Variants in SLCO1B1 observed in about 807,000 individuals in gnomAD.
SLCO1B1 encodes OATP-2.
A neutral mutation model predicts 70.1 loss-of-function variants in SLCO1B1; 81 were observed. That is an observed-to-expected ratio of 1.16 (90% CI 0.97 to 1.39). The LOEUF (loss-of-function observed/expected upper bound fraction) is 1.39. SLCO1B1 is among the 40% of genes most tolerant of loss of function. The pLI is 0.00. For missense variants in SLCO1B1, 895 were observed against 799.6 expected, an observed-to-expected ratio of 1.12 and a Z score of -1.44; for synonymous variants, 283 against 271.5, an observed-to-expected ratio of 1.04 and a Z score of -0.42.
intron 14 of SLCO1B1, among the ~76,000 whole-genome samples, chr12:21,235,971 G>T (rs12830367): frequency 0.32 from 48,381 of 151,714 alleles, 8,263 homozygotes; most frequent in East Asian, 0.45. Context: ...TCTAGCTGCC[G>T]TTAGGATTTG....
At chr12:21,217,331 A>T (rs771627446) in intron 12 of SLCO1B1, 28 bp downstream of exon 12, 1 of 1,572,058 alleles carries the variant, frequency 6.4e-7, no homozygotes, top group South Asian at 1.1e-5. Flanking sequence ...AAACATTTTC[A>T]TATGCATGAG....
At chr12:21,164,157 T>C (rs1228632646) in intron 2 of SLCO1B1, among the ~76,000 whole-genome samples, 2 of 152,146 alleles carry the variant, frequency 1.3e-5, no homozygotes, top group African/African-American at 4.8e-5. Flanking sequence ...CAATCATTCC[T>C]TAGTAAATTT....
intron 14 of SLCO1B1, among the ~76,000 whole-genome samples, chr12:21,234,692 C>G (rs1446716604): frequency 6.6e-6 from 1 of 152,044 alleles, no homozygotes; most frequent in African/African-American, 2.4e-5. Flanking sequence ...ATAAACTTTC[C>G]ACTTTATGCT....
intron 12 of SLCO1B1, among the ~76,000 whole-genome samples, chr12:21,220,482 C>T (rs1403102075): frequency 6.6e-6 from 1 of 152,030 alleles, no homozygotes; most frequent in East Asian, 1.9e-4. Context: ...TGTATTCAAG[C>T]AATCCCCCAA....
chr12:21,145,472 C>CTTTTTTTTTTTTT, intron 2 of SLCO1B1, among the ~76,000 whole-genome samples: 1 of 35,840 alleles, frequency 2.8e-5, no homozygotes, highest in Non-Finnish European at 7.5e-5. Flanking sequence ...GCATTTTTTT[C>CTTTTTTTTTTTTT]ATTTTTTTTT....
intron 11 of SLCO1B1, among the ~76,000 whole-genome samples, chr12:21,210,300 C>A (rs1591821733): frequency 7.9e-6 from 1 of 126,804 alleles, no homozygotes; most frequent in African/African-American, 3.1e-5. Flanking sequence ...TTCCCAGCAC[C>A]ATTTATTAAA....
At chr12:21,174,827 A>C in intron 4 of SLCO1B1, 118 bp downstream of exon 4, 2 of 931,960 alleles carry the variant, frequency 2.1e-6, no homozygotes, top group Non-Finnish European at 3.3e-6. Context: ...ATACCCACTA[A>C]GTGTGTACAG....
intron 7 of SLCO1B1, among the ~76,000 whole-genome samples, chr12:21,196,593 A>G (rs1565679232): frequency 6.6e-6 from 1 of 152,078 alleles, no homozygotes; most frequent in Non-Finnish European, 1.5e-5. Flanking sequence ...GCCAATAGAC[A>G]TTTTCAGACA....
chr12:21,230,788 T>TCA (rs1426793659), intron 14 of SLCO1B1, among the ~76,000 whole-genome samples: 1 of 152,218 alleles, frequency 6.6e-6, no homozygotes, highest in Non-Finnish European at 1.5e-5. Flanking sequence ...TTGATAGAAT[T>TCA]CACCAATGAA....
chr12:21,214,041 G>A (rs796491614), intron 11 of SLCO1B1, among the ~76,000 whole-genome samples: 47 of 151,886 alleles, frequency 3.1e-4, no homozygotes, highest in Non-Finnish European at 4.7e-4. Flanking sequence ...TAATTTGATC[G>A]TCTGAAGCCT....
chr12:21,193,332 A>G (rs553190478), intron 7 of SLCO1B1, among the ~76,000 whole-genome samples: 4 of 152,286 alleles, frequency 2.6e-5, no homozygotes, highest in African/African-American at 9.6e-5. Flanking sequence ...TAACTGTAAT[A>G]CACTATTTTA....
chr12:21,145,169 T>C lies in SLCO1B1; in HGVS notation c.84+3511T>C, dbSNP rs111938444. ...ACCGTTTTGTTGTCTTCATGACTCATGTATCATGACATCCATAAGATAGAA... is the reference window on the plus strand; with the variant it reads ...ACCGTTTTGTTGTCTTCATGACTCACGTATCATGACATCCATAAGATAGAA... On this transcript the variant is annotated intron_variant, in intron 2 of 14. Transcript: ENST00000256958. Among the ~76,000 whole-genome samples the C allele has an allele frequency of 9.2e-5, 14 of 152,304 alleles. 1 individual carries two copies. Among genetic ancestry groups the C allele is most frequent in the Admixed American group, 3.3e-4 (5 of 15,292 alleles).
At chr12:21,154,121 T>C (rs1940509074) in intron 2 of SLCO1B1, among the ~76,000 whole-genome samples, 1 of 152,090 alleles carries the variant, frequency 6.6e-6, no homozygotes, top group Admixed American at 6.6e-5. Context: ...AAATTCTTTC[T>C]TATACTTTTT....
intron 7 of SLCO1B1, among the ~76,000 whole-genome samples, chr12:21,181,797 A>T (rs187841306): frequency 1.3e-5 from 2 of 152,088 alleles, no homozygotes; most frequent in Non-Finnish European, 2.9e-5. Flanking sequence ...ATATTGAAAA[A>T]ATTTGGGGAG....
rs1373759668 is a variant in SLCO1B1 at position 21,212,472 on chromosome 12, C to T, written c.1498-4647C>T. 2.1e-3 allele frequency among the ~76,000 whole-genome samples: 302 copies of T among 144,246 alleles called. 1 individual carries two copies. The highest frequency in any genetic ancestry group is 7.5e-3 in the African/African-American group (286 of 38,214). 94.6% of individuals were successfully genotyped at this position (144,246 alleles called of 152,430 possible). A position where few individuals can be genotyped will look rare whatever the true frequency, so the allele number is the denominator to read the frequency against. ...GTTCTTTTCCATTTGCTGAGGAGAGCTTTACTTCCCAGTATGTGGTCAGTT... is the reference window on the plus strand; with the variant it reads ...GTTCTTTTCCATTTGCTGAGGAGAGTTTTACTTCCCAGTATGTGGTCAGTT... On this transcript the variant is annotated intron_variant, in intron 11 of 14. Transcript: ENST00000256958.
At chr12:21,152,911 C>T (rs955919557) in intron 2 of SLCO1B1, among the ~76,000 whole-genome samples, 1 of 152,142 alleles carries the variant, frequency 6.6e-6, no homozygotes, top group Admixed American at 6.6e-5. Context: ...AGGGAAAACT[C>T]AAAATGTGGA....
intron 2 of SLCO1B1, among the ~76,000 whole-genome samples, chr12:21,148,927 G>A (rs953156036): frequency 7.2e-5 from 11 of 152,062 alleles, no homozygotes; most frequent in Non-Finnish European, 1.5e-4. Context: ...TCTCGTTGAA[G>A]AGGTCCCTCA....
chr12:21,146,503 C>CT (rs542384087), intron 2 of SLCO1B1, among the ~76,000 whole-genome samples: 1 of 151,926 alleles, frequency 6.6e-6, no homozygotes, highest in African/African-American at 2.4e-5. Context: ...ATTTGCTTTT[C>CT]TTTTTGATTT....
intron 2 of SLCO1B1, among the ~76,000 whole-genome samples, chr12:21,170,065 G>T (rs768567328): frequency 3.3e-5 from 5 of 152,096 alleles, no homozygotes; most frequent in Non-Finnish European, 5.9e-5. Flanking sequence ...TTAAATTGTT[G>T]TACTGGTGCT....
Sources: gnomAD v4.1 joint callset for allele counts (sites outside exome capture counted in the v4.1 genomes callset) on GRCh38, gnomAD v4.1.1 for gene constraint, MANE v1.5 for transcripts, NCBI Gene and HGNC (gene_info 2026-07-23, HGNC 2026-07-21) for gene names.